FGD6: variants seen among roughly 807,000 people sequenced by gnomAD.
FGD6 encodes the protein FYVE, RhoGEF and PH domain-containing protein 6.
A neutral mutation model predicts 149.4 loss-of-function variants in FGD6; 90 were observed. The observed-to-expected ratio is 0.60, with a 90% CI of 0.51 to 0.72. FGD6 has a LOEUF of 0.72. Among genes scored for constraint, FGD6 ranks in the 30% least tolerant of loss-of-function variants. FGD6 has a pLI of 0.00. For synonymous variants in FGD6, 527 were observed against 584.0 expected (o/e 0.90, Z 1.41); for missense variants, 1,437 against 1,684.8 (o/e 0.85, Z 2.57).
chr12:95,211,250 C>G lies in FGD6; in HGVS notation c.34G>C (p.Val12Leu). The G allele has an allele frequency of 1.3e-6, 2 of 1,575,984 alleles. No individual in the cohort carries two copies. The highest frequency in any genetic ancestry group is 1.7e-6 in the Non-Finnish European group (2 of 1,168,140). Reference sequence around the variant, plus strand: ...ACAACAAACTTGGGCTTGGGGGCCACTGGTGGCTTCTTTATCTCTAGAAAG... The same window carrying G: ...ACAACAAACTTGGGCTTGGGGGCCAGTGGTGGCTTCTTTATCTCTAGAAAG... ...TSAAEIKKPP[V>L]APKPKFVVAN... Residue 12 changes from valine (V) to leucine (L), a missense_variant, in exon 2 of 21, where the codon GTG (valine) becomes CTG (leucine). Val to Leu is a conservative substitution (Grantham distance 32). Coordinates refer to ENST00000343958, the MANE Select transcript of FGD6 (RefSeq NM_018351.4).
intron 8 of FGD6, among the ~76,000 whole-genome samples, chr12:95,132,924 C>G (rs1423132148): frequency 6.6e-6 from 1 of 152,198 alleles, no homozygotes; most frequent in Non-Finnish European, 1.5e-5. Flanking sequence ...CTATGCCATT[C>G]AATAGCTGGT....
chr12:95,084,554 C>A lies in FGD6; in HGVS notation c.4200G>T (p.Leu1400=). The part of the protein sequence containing the change: ...ENSESKVFQL[L]HKNMLFYVFK... ...ATACATAAAATAACATGTTTTTGTGCAGTAACTGAAATACTTTAGACTCGG... is the reference window on the plus strand; with the variant it reads ...ATACATAAAATAACATGTTTTTGTGAAGTAACTGAAATACTTTAGACTCGG... Residue 1400 remains leucine (L), a synonymous_variant, in exon 20 of 21, where the codon CTG becomes CTT. Coordinates refer to ENST00000343958, the MANE Select transcript of FGD6 (RefSeq NM_018351.4). The A allele has an allele frequency of 6.2e-7, 1 of 1,605,142 alleles. No individual in the cohort carries two copies. Among genetic ancestry groups the A allele is most frequent in the Non-Finnish European group, 8.5e-7 (1 of 1,176,858 alleles).
rs1427734785 is a variant in FGD6 at position 95,097,584 on chromosome 12, T to C, written c.3498-2890A>G. ...CTGGGAGGTGGTGGTTGCAGTGAGC[T>C]GAGATTGTGCCACTGCACTCCAGCC... On this transcript the variant is annotated intron_variant, in intron 14 of 20. Coordinates refer to ENST00000343958, the MANE Select transcript of FGD6 (RefSeq NM_018351.4). Among the ~76,000 whole-genome samples the C allele has an allele frequency of 9.0e-5, 12 of 134,052 alleles. No homozygotes were observed. The South Asian group carries it at 2.3e-3, about 25-fold the overall frequency. The allele number at this position is 134,052 out of a possible 152,430, so 87.9% of individuals were successfully genotyped here.
chr12:95,135,934 T>C (rs1016198608), intron 7 of FGD6, among the ~76,000 whole-genome samples: 3 of 152,140 alleles, frequency 2.0e-5, no homozygotes. Context: ...CACAATTACA[T>C]TGCACTTTGT....
intron 6 of FGD6, among the ~76,000 whole-genome samples, chr12:95,139,294 G>T (rs1879772538): frequency 6.6e-6 from 1 of 151,994 alleles, no homozygotes; most frequent in African/African-American, 2.4e-5. Context: ...AAAAAAATTA[G>T]CCAGGCGTGG....
chr12:95,119,113 GA>G (rs1251100584), intron 8 of FGD6, among the ~76,000 whole-genome samples: 1 of 151,772 alleles, frequency 6.6e-6, no homozygotes, highest in Non-Finnish European at 1.5e-5. Context: ...TGATGATGAT[GA>G]TAATAATAAT....
At chr12:95,140,104 T>C (rs1401408272) in intron 6 of FGD6, among the ~76,000 whole-genome samples, 2 of 152,190 alleles carry the variant, frequency 1.3e-5, no homozygotes, top group Admixed American at 1.3e-4. Flanking sequence ...GGTTTATATA[T>C]AAAGAAAGCT....
At chr12:95,191,574 G>T (rs1391646428) in intron 2 of FGD6, among the ~76,000 whole-genome samples, 1 of 152,090 alleles carries the variant, frequency 6.6e-6, no homozygotes, top group Non-Finnish European at 1.5e-5. Context: ...GGATACAAAG[G>T]TGTTGTAATC....
intron 2 of FGD6, among the ~76,000 whole-genome samples, chr12:95,179,024 T>C (rs1881207683): frequency 6.6e-6 from 1 of 152,116 alleles, no homozygotes; most frequent in Admixed American, 6.5e-5. Flanking sequence ...CAGAAACTGT[T>C]TAAAACTGTC....
At chr12:95,207,687 G>C (rs974655752) in intron 2 of FGD6, among the ~76,000 whole-genome samples, 2 of 152,104 alleles carry the variant, frequency 1.3e-5, no homozygotes, top group African/African-American at 2.4e-5. Context: ...GCTTTATCCA[G>C]GGCAAAGAGA....
intron 8 of FGD6, among the ~76,000 whole-genome samples, chr12:95,122,335 A>G (rs7308272): frequency 0.63 from 95,221 of 151,364 alleles, 30,170 homozygotes; most frequent in East Asian, 0.68. Context: ...TTATTGTTGT[A>G]GCCCCTGCAC....
chr12:95,088,719 C>A (rs73221778), intron 18 of FGD6, among the ~76,000 whole-genome samples: 4,717 of 152,282 alleles, frequency 0.031, 109 homozygotes, highest in Non-Finnish European at 0.049. Flanking sequence ...CTGTGGTATA[C>A]ACAAACAATG....
intron 13 of FGD6, 58 bp from the exon 14 acceptor site, chr12:95,105,144 G>T: frequency 1.3e-6 from 2 of 1,484,124 alleles, no homozygotes; most frequent in Non-Finnish European, 1.8e-6. Context: ...ATATCAATGA[G>T]CTGAAGTTGT....
chr12:95,197,552 C>A (rs147326858), intron 2 of FGD6, among the ~76,000 whole-genome samples: 1,924 of 152,274 alleles, frequency 0.013, 45 homozygotes, highest in African/African-American at 0.044. Context: ...GGGGACTATA[C>A]CCCTACCATT....
intron 14 of FGD6, among the ~76,000 whole-genome samples, chr12:95,095,039 TTTC>T (rs1310186626): frequency 3.3e-5 from 5 of 152,026 alleles, no homozygotes; most frequent in Non-Finnish European, 7.4e-5. Flanking sequence ...AGCCAGGGAG[TTTC>T]TTAAGACATC....
At chr12:95,197,178 C>T (rs1296070631) in intron 2 of FGD6, among the ~76,000 whole-genome samples, 9 of 152,088 alleles carry the variant, frequency 5.9e-5, no homozygotes, top group Admixed American at 5.2e-4. Context: ...GTGGCTCATG[C>T]CTGTAATCCC....
intron 1 of FGD6, among the ~76,000 whole-genome samples, chr12:95,213,761 G>A (rs1262621079): frequency 1.3e-5 from 2 of 152,118 alleles, no homozygotes; most frequent in Non-Finnish European, 2.9e-5. Context: ...AATTAACTAC[G>A]TATGTGCTGG....
chr12:95,180,224 C>T (rs561151061), intron 2 of FGD6, among the ~76,000 whole-genome samples: 9 of 152,092 alleles, frequency 5.9e-5, no homozygotes, highest in African/African-American at 2.2e-4. Flanking sequence ...TACACAAAAC[C>T]ATGTAAAAAG....
At chr12:95,188,864 T>A (rs921252219) in intron 2 of FGD6, among the ~76,000 whole-genome samples, 3 of 151,804 alleles carry the variant, frequency 2.0e-5, no homozygotes, top group African/African-American at 7.3e-5. Flanking sequence ...GAGGATGAAT[T>A]AGAGAAAGCT....
Sources: allele counts gnomAD v4.1 joint callset (sites outside exome capture counted in the v4.1 genomes callset), GRCh38; gene constraint gnomAD v4.1.1; transcripts MANE v1.5; gene names NCBI Gene and HGNC (gene_info 2026-07-23, HGNC 2026-07-21).